Variants in LRTM1 observed in about 807,000 individuals in gnomAD.
The protein encoded by LRTM1 is leucine-rich repeat and transmembrane domain-containing protein 1.
Under a neutral mutation model 32.4 loss-of-function variants are expected in LRTM1, and 38 were observed. The ratio of observed to expected loss-of-function variants is 1.17; its 90% CI spans 0.91 to 1.54. The LOEUF is 1.54. LRTM1 is among the 40% of genes most tolerant of loss of function. The probability of loss-of-function intolerance (pLI) is 0.00; values close to 1 mark genes in which losing one functional copy is unlikely to be tolerated. For synonymous variants in LRTM1, 186 were observed against 169.9 expected (o/e 1.09, Z -0.74); for missense variants, 466 against 415.4 (o/e 1.12, Z -1.06).
At chr3:54,932,837 C>T (rs779928759), upstream of LRTM1, among the ~76,000 whole-genome samples, 9 of 152,202 alleles carry the variant, frequency 5.9e-5, no homozygotes, top group Non-Finnish European at 1.2e-4. Context: ...GGCCTAGTGA[C>T]AGCTGCAGCC....
rs1228808653 is a variant in LRTM1, at chr3:54,924,710, A to G, written c.513T>C (p.Ser171=). 7 of 1,613,988 alleles carry G rather than the reference A, an allele frequency of 4.3e-6. No homozygotes were observed. Among genetic ancestry groups the G allele is most frequent in the African/African-American group, 1.3e-5 (1 of 74,898 alleles). Residue 171 remains serine, a synonymous_variant, in exon 2 of 3, where the codon AGT becomes AGC. Coordinates refer to ENST00000273286, the MANE Select transcript of LRTM1 (RefSeq NM_020678.4). ...LDRALLESMP[S]VRLLLLKDNL... ...TGTCCTTGAGAAGTAAAAGCCTCAC[A>G]CTGGGCATGGATTCCAGGAGCGCTC...
upstream of LRTM1, among the ~76,000 whole-genome samples, chr3:54,930,834 G>C (rs765520505): frequency 6.6e-6 from 1 of 152,150 alleles, no homozygotes; most frequent in African/African-American, 2.4e-5. Context: ...GGTGGCTCAC[G>C]CCTGTAATCC....
At chr3:54,937,714 C>T (rs947701960) in intron 1 of LRTM1, among the ~76,000 whole-genome samples, 1 of 152,064 alleles carries the variant, frequency 6.6e-6, no homozygotes, top group African/African-American at 2.4e-5. Flanking sequence ...CCAGAATTTA[C>T]CACAGAGAGG....
At chr3:54,947,804 A>G (rs967850766) in intron 1 of LRTM1, among the ~76,000 whole-genome samples, 2 of 152,138 alleles carry the variant, frequency 1.3e-5, no homozygotes, top group African/African-American at 4.8e-5. Flanking sequence ...AATCATTGCA[A>G]TGTTTGGGGA....
upstream of LRTM1, among the ~76,000 whole-genome samples, chr3:54,930,247 C>G (rs538004947): frequency 1.8e-4 from 28 of 152,324 alleles, no homozygotes; most frequent in African/African-American, 6.5e-4. Context: ...GTCACCCACC[C>G]TCAACTCCCA....
At chr3:54,957,438 C>T (rs1701927131) in intron 1 of LRTM1, among the ~76,000 whole-genome samples, 1 of 151,788 alleles carries the variant, frequency 6.6e-6, no homozygotes, top group African/African-American at 2.4e-5. Flanking sequence ...TGTGAGCCAC[C>T]ACACCCAACC....
chr3:54,937,061 C>T (rs948457997), intron 1 of LRTM1, among the ~76,000 whole-genome samples: 8 of 152,086 alleles, frequency 5.3e-5, no homozygotes, highest in African/African-American at 1.4e-4. Context: ...GAGCAGTGCC[C>T]GTGTTCACCC....
intron 1 of LRTM1, among the ~76,000 whole-genome samples, chr3:54,938,266 T>C (rs1309694261): frequency 6.6e-6 from 1 of 152,254 alleles, no homozygotes; most frequent in Non-Finnish European, 1.5e-5. Context: ...TTTGTGTATA[T>C]GTTAGTGCAG....
intron 1 of LRTM1, among the ~76,000 whole-genome samples, chr3:54,950,756 A>T (rs529845076): frequency 2.0e-5 from 3 of 152,306 alleles, no homozygotes; most frequent in African/African-American, 7.2e-5. Flanking sequence ...TGAGCCTCAG[A>T]TACCAATATC....
upstream of LRTM1, among the ~76,000 whole-genome samples, chr3:54,931,106 A>G (rs1010692013): frequency 2.0e-5 from 3 of 152,086 alleles, no homozygotes; most frequent in Non-Finnish European, 2.9e-5. Context: ...AAAACAAAAC[A>G]AAAAACAAAG....
At chr3:54,922,602 A>G (rs1321497996) in intron 2 of LRTM1, among the ~76,000 whole-genome samples, 2 of 152,146 alleles carry the variant, frequency 1.3e-5, no homozygotes, top group Non-Finnish European at 2.9e-5. Flanking sequence ...CCCATGTTGT[A>G]TTCACCCTAA....
chr3:54,940,858 C>T (rs1194655891), intron 1 of LRTM1, among the ~76,000 whole-genome samples: 1 of 152,146 alleles, frequency 6.6e-6, no homozygotes, highest in African/African-American at 2.4e-5. Context: ...AATGAGTTCA[C>T]CTCCCTAGCA....
intron 2 of LRTM1, among the ~76,000 whole-genome samples, chr3:54,919,699 T>A (rs111397235): frequency 1.1e-4 from 16 of 152,336 alleles, no homozygotes; most frequent in African/African-American, 3.4e-4. Context: ...TCTTTGACTT[T>A]GGGAAAATGT....
chr3:54,963,683 C>A (rs770852545), intron 1 of LRTM1, among the ~76,000 whole-genome samples: 1 of 152,126 alleles, frequency 6.6e-6, no homozygotes, highest in Non-Finnish European at 1.5e-5. Context: ...GCCCTGCATT[C>A]GTTTCTGTCA....
At chr3:54,925,776 T>A (rs1700996981) in intron 1 of LRTM1, among the ~76,000 whole-genome samples, 1 of 152,204 alleles carries the variant, frequency 6.6e-6, no homozygotes, top group Non-Finnish European at 1.5e-5. Context: ...TTATTTGTAT[T>A]TCATTTTAAC....
At chr3:54,927,884 C>T (rs377481751) in intron 1 of LRTM1, 21 bp downstream of exon 1, 18 of 1,613,382 alleles carry the variant, frequency 1.1e-5, no homozygotes, top group Non-Finnish European at 1.4e-5. Flanking sequence ...ACTTTTCCAA[C>T]GGGAATTGAT....
At chr3:54,961,368 T>A (rs1312116410) in intron 1 of LRTM1, among the ~76,000 whole-genome samples, 1 of 152,228 alleles carries the variant, frequency 6.6e-6, no homozygotes. Flanking sequence ...TTGGGAAAAG[T>A]CACTCTACTC....
At chr3:54,919,888 A>C (rs1700785546) in intron 2 of LRTM1, among the ~76,000 whole-genome samples, 1 of 152,168 alleles carries the variant, frequency 6.6e-6, no homozygotes, top group African/African-American at 2.4e-5. Context: ...GCTCAGTCCA[A>C]GTTTTTTCCA....
intron 1 of LRTM1, chr3:54,966,873 C>G (rs1702164541): frequency 6.6e-6 from 1 of 152,232 alleles, no homozygotes; most frequent in African/African-American, 2.4e-5. Context: ...ATATTTCTCT[C>G]TAACTGCTGA....
Sources: allele counts gnomAD v4.1 joint callset (sites outside exome capture counted in the v4.1 genomes callset), GRCh38; gene constraint gnomAD v4.1.1; transcripts MANE v1.5; gene names NCBI Gene and HGNC (gene_info 2026-07-23, HGNC 2026-07-21).